The following LAMA2 variants were observed in gnomAD, a reference collection of about 807,000 sequenced individuals.
The protein encoded by LAMA2 is laminin subunit alpha-2.
Under a neutral mutation model 364.8 loss-of-function variants are expected in LAMA2, and 269 were observed. The ratio of observed to expected loss-of-function variants is 0.74; its 90% CI spans 0.67 to 0.82. LAMA2 has a LOEUF of 0.82. Ranked by LOEUF, LAMA2 falls within the 40% of genes least tolerant of loss-of-function variation. The pLI, the probability that LAMA2 is intolerant of heterozygous loss-of-function variation, is 0.00. For missense variants in LAMA2, 3,807 were observed against 3,873.2 expected (o/e 0.98, Z 0.45); for synonymous variants, 1,379 against 1,370.6 (o/e 1.01, Z -0.14).
intron 1 of LAMA2, among the ~76,000 whole-genome samples, chr6:129,031,260 A>G (rs2114733454): frequency 6.6e-6 from 1 of 152,362 alleles, no homozygotes; most frequent in East Asian, 1.9e-4. Flanking sequence ...TATAGCATAA[A>G]ACAGAATTAG....
At chr6:129,254,707 G>C (rs111664011) in intron 14 of LAMA2, among the ~76,000 whole-genome samples, 1 of 152,172 alleles carries the variant, frequency 6.6e-6, no homozygotes, top group African/African-American at 2.4e-5. Flanking sequence ...CTAGGAAGAT[G>C]AAGGCACAAG....
At chr6:129,384,336 G>A (rs1778858737) in intron 35 of LAMA2, among the ~76,000 whole-genome samples, 1 of 152,144 alleles carries the variant, frequency 6.6e-6, no homozygotes, top group Non-Finnish European at 1.5e-5. Context: ...TGCAGGTAGA[G>A]CACCTTCACT....
Position 128,980,314 on chromosome 6 carries a change from C to T in LAMA2, c.113-69604C>T, listed in dbSNP as rs139186020. On this transcript the variant is annotated intron_variant, in intron 1 of 64. Coordinates refer to ENST00000421865, the MANE Select transcript of LAMA2 (RefSeq NM_000426.4). Reference sequence around the variant, plus strand: ...TATGTCAACTTTTTGCACTATATACCGCTTGAAATGTCAATACTGCACAAA... The same window carrying T: ...TATGTCAACTTTTTGCACTATATACTGCTTGAAATGTCAATACTGCACAAA... 3.1e-3 allele frequency among the ~76,000 whole-genome samples: 479 copies of T among 152,164 alleles called. 6 individuals carry two copies. The highest frequency in any genetic ancestry group is 6.5e-4 in the Non-Finnish European group (44 of 68,004).
At chr6:129,193,886 TGGCTG>T (rs1781684685) in intron 12 of LAMA2, among the ~76,000 whole-genome samples, 1 of 152,158 alleles carries the variant, frequency 6.6e-6, no homozygotes, top group African/African-American at 2.4e-5. Context: ...CTGGTGGTGT[TGGCTG>T]GTTGAAACAC....
At chr6:129,239,108 T>C (rs1385139151) in intron 12 of LAMA2, among the ~76,000 whole-genome samples, 1 of 152,194 alleles carries the variant, frequency 6.6e-6, no homozygotes, top group African/African-American at 2.4e-5. Flanking sequence ...ATTTACAAAA[T>C]GTCAAATACT....
chr6:128,917,706 T>TTTTTTTCTTTCTTTCTTTCTTTCTTTC (rs1554322937), intron 1 of LAMA2, among the ~76,000 whole-genome samples: 3 of 98,366 alleles, frequency 3.0e-5, no homozygotes, highest in African/African-American at 1.2e-4. Flanking sequence ...TTTCTTTTTT[T>TTTTTTTCTTTCTTTCTTTCTTTCTTTC]TTTCTTTCTT....
At chr6:129,169,055 T>C in intron 9 of LAMA2, among the ~76,000 whole-genome samples, 1 of 152,178 alleles carries the variant, frequency 6.6e-6, no homozygotes, top group Non-Finnish European at 1.5e-5. Context: ...CTTAAGGAGA[T>C]TTTGGACTGA....
intron 1 of LAMA2, among the ~76,000 whole-genome samples, chr6:129,018,882 A>G (rs1785245483): frequency 1.3e-5 from 2 of 151,972 alleles, no homozygotes; most frequent in African/African-American, 2.4e-5. Flanking sequence ...GGTTAATTTT[A>G]TTTGTTTATT....
intron 31 of LAMA2, 106 bp from the exon 32 acceptor site, chr6:129,353,058 G>A: frequency 1.3e-6 from 1 of 767,832 alleles, no homozygotes; most frequent in Non-Finnish European, 2.1e-6. Flanking sequence ...CTAATGTATG[G>A]ACTCTTGCTA....
intron 1 of LAMA2, among the ~76,000 whole-genome samples, chr6:128,987,137 T>TG (rs1783302087): frequency 2.1e-5 from 1 of 46,700 alleles, no homozygotes; most frequent in African/African-American, 8.3e-5. Flanking sequence ...TTTTTTTTTT[T>TG]TTGTTTTTTT....
intron 30 of LAMA2, 51 bp from the exon 31 acceptor site, chr6:129,349,247 A>C: frequency 7.1e-7 from 1 of 1,410,732 alleles, no homozygotes; most frequent in South Asian, 1.2e-5. Context: ...ATACTATTTT[A>C]TAAAATAAAT....
chr6:129,383,628 G>A (rs1191610260), intron 35 of LAMA2, among the ~76,000 whole-genome samples: 2 of 152,116 alleles, frequency 1.3e-5, no homozygotes, highest in Non-Finnish European at 2.9e-5. Context: ...TCTCCAAATG[G>A]CTTTTCAAAT....
chr6:129,396,957 C>T (rs1001685132), intron 37 of LAMA2, among the ~76,000 whole-genome samples: 27 of 13,640 alleles, frequency 2.0e-3, no homozygotes, highest in African/African-American at 9.0e-3. Context: ...GCCTGGATGA[C>T]AGTGAGACAA....
At chr6:129,049,639 G>A (rs933436391) in intron 1 of LAMA2, among the ~76,000 whole-genome samples, 2 of 152,142 alleles carry the variant, frequency 1.3e-5, no homozygotes, top group Non-Finnish European at 2.9e-5. Context: ...TTTAGAATGT[G>A]TCCTAGAGAC....
chr6:129,153,718 G>A (rs1163507455), intron 7 of LAMA2, among the ~76,000 whole-genome samples: 2 of 152,118 alleles, frequency 1.3e-5, no homozygotes, highest in African/African-American at 2.4e-5. Context: ...CAAATATGGA[G>A]CATTTAGAAC....
chr6:128,972,242 T>C (rs189766117), intron 1 of LAMA2, among the ~76,000 whole-genome samples: 2 of 152,314 alleles, frequency 1.3e-5, no homozygotes, highest in East Asian at 3.9e-4. Flanking sequence ...ATCTGTTCTA[T>C]TCACTGTCTC....
intron 51 of LAMA2, among the ~76,000 whole-genome samples, chr6:129,469,118 G>T (rs1001472413): frequency 6.6e-6 from 1 of 151,998 alleles, no homozygotes; most frequent in Non-Finnish European, 1.5e-5. Context: ...CGCTGGGCAT[G>T]TTGGCAAGGG....
chr6:129,050,846 A>G (rs982677930), intron 2 of LAMA2, among the ~76,000 whole-genome samples: 9 of 152,190 alleles, frequency 5.9e-5, no homozygotes, highest in South Asian at 4.1e-4. Flanking sequence ...AGGGAGAGGC[A>G]CCATGTAAAG....
At chr6:129,413,577 A>T (rs1038050205) in intron 40 of LAMA2, among the ~76,000 whole-genome samples, 1 of 152,186 alleles carries the variant, frequency 6.6e-6, no homozygotes, top group African/African-American at 2.4e-5. Flanking sequence ...CATCTAGACT[A>T]CATCCTCTTA....
Sources: allele counts gnomAD v4.1 joint callset (sites outside exome capture counted in the v4.1 genomes callset), GRCh38; gene constraint gnomAD v4.1.1; transcripts MANE v1.5; gene names NCBI Gene and HGNC (gene_info 2026-07-23, HGNC 2026-07-21).